Variants in MTCL1 observed in about 807,000 individuals in gnomAD.
The protein encoded by MTCL1 is microtubule cross-linking factor 1.
A neutral mutation model predicts 141.4 loss-of-function variants in MTCL1; 79 were observed. The ratio of observed to expected loss-of-function variants is 0.56; its 90% CI spans 0.47 to 0.67. The LOEUF is 0.67. Among genes scored for constraint, MTCL1 ranks in the 30% least tolerant of loss-of-function variants. The pLI, the probability that MTCL1 is intolerant of heterozygous loss-of-function variation, is 0.00. For synonymous variants in MTCL1, 914 were observed against 875.8 expected, an observed-to-expected ratio of 1.04 and a Z score of -0.77; for missense variants, 2,177 against 2,113.9, an observed-to-expected ratio of 1.03 and a Z score of -0.59.
intron 4 of MTCL1, among the ~76,000 whole-genome samples, chr18:8,751,094 GCATGACTCATGCACA>G (rs2096368659): frequency 6.6e-6 from 1 of 152,180 alleles, no homozygotes. Flanking sequence ...CTGCATGTGT[GCATGACTCATGCACA>G]CATCTTTTCC....
At chr18:8,784,251 C>G in exon 6 of MTCL1, 3 of 1,606,682 alleles carry the variant, frequency 1.9e-6, no homozygotes, top group Non-Finnish European at 1.7e-6. Context: ...CTGCGTGCCC[C>G]CAGTCCCCGG....
exon 6 of MTCL1, chr18:8,784,756 G>A (rs377432291): frequency 1.2e-6 from 2 of 1,614,220 alleles, no homozygotes; most frequent in African/African-American, 1.3e-5. Context: ...ACCTCACAGA[G>A]TCCTCTAGCT....
chr18:8,783,054 C>T (rs970568984), intron 5 of MTCL1, among the ~76,000 whole-genome samples: 8 of 152,140 alleles, frequency 5.3e-5, no homozygotes, highest in South Asian at 2.1e-4. Context: ...GAGGTCTGCA[C>T]GTTGGAGGTG....
At chr18:8,789,182 A>T (rs2075630820) in intron 7 of MTCL1, among the ~76,000 whole-genome samples, 2 of 152,232 alleles carry the variant, frequency 1.3e-5, no homozygotes, top group South Asian at 2.1e-4. Context: ...TCAAGGAAGC[A>T]CACAAAGCAC....
chr18:8,825,677 G>T (rs1465945642), exon 15 of MTCL1: 12 of 1,613,798 alleles, frequency 7.4e-6, no homozygotes, highest in Non-Finnish European at 1.0e-5. Flanking sequence ...GCTCCCCCAA[G>T]TATGGTTCTC....
intron 4 of MTCL1, among the ~76,000 whole-genome samples, chr18:8,735,985 A>G (rs971808338): frequency 6.6e-6 from 1 of 152,198 alleles, no homozygotes; most frequent in Non-Finnish European, 1.5e-5. Context: ...TGTGAAATGT[A>G]TAAATTTGCC....
intron 4 of MTCL1, among the ~76,000 whole-genome samples, chr18:8,734,227 G>A (rs950000168): frequency 6.6e-6 from 1 of 151,808 alleles, no homozygotes; most frequent in Non-Finnish European, 1.5e-5. Context: ...CCAATTTGTG[G>A]CAATCAAGAA....
At chr18:8,725,448 A>G (rs2096202144) in intron 4 of MTCL1, among the ~76,000 whole-genome samples, 2 of 152,220 alleles carry the variant, frequency 1.3e-5, no homozygotes, top group Non-Finnish European at 2.9e-5. Flanking sequence ...ATTGTAACCC[A>G]CAGCAAAAAG....
chr18:8,756,728 G>T (rs1164931990), intron 4 of MTCL1, among the ~76,000 whole-genome samples: 1 of 152,134 alleles, frequency 6.6e-6, no homozygotes, highest in Non-Finnish European at 1.5e-5. Flanking sequence ...CCAGAATCCA[G>T]CCATTGTCAG....
At chr18:8,765,922 A>G (rs1567996772) in intron 4 of MTCL1, among the ~76,000 whole-genome samples, 1 of 152,124 alleles carries the variant, frequency 6.6e-6, no homozygotes, top group African/African-American at 2.4e-5. Flanking sequence ...CTCAGAAACC[A>G]TTAGAGTCCA....
intron 1 of MTCL1, among the ~76,000 whole-genome samples, chr18:8,708,615 G>A (rs570489169): frequency 2.0e-5 from 3 of 152,320 alleles, no homozygotes; most frequent in East Asian, 1.9e-4. Flanking sequence ...TATTTCCAGC[G>A]AGGCTGCTTT....
chr18:8,807,093 CTG>C, intron 11 of MTCL1, 33 bp downstream of exon 10: 1 of 1,591,256 alleles, frequency 6.3e-7, no homozygotes, highest in South Asian at 1.1e-5. Flanking sequence ...TCGATCCTGA[CTG>C]TGTGTCTCTG....
intron 4 of MTCL1, among the ~76,000 whole-genome samples, chr18:8,736,341 A>C (rs1003325938): frequency 2.6e-5 from 4 of 152,138 alleles, no homozygotes; most frequent in Admixed American, 6.5e-5. Flanking sequence ...GTAAGTTGAA[A>C]CTATATTAAG....
chr18:8,784,453 C>G, exon 6 of MTCL1: 1 of 1,538,720 alleles, frequency 6.5e-7, no homozygotes, highest in Non-Finnish European at 8.8e-7. Flanking sequence ...TCCTGAAGGC[C>G]CGGGAGGACT....
At chr18:8,785,095 C>CATA (rs1568031578) in intron 6 of MTCL1, among the ~76,000 whole-genome samples, 1 of 151,670 alleles carries the variant, frequency 6.6e-6, no homozygotes, top group Non-Finnish European at 1.5e-5. Flanking sequence ...TTAACTGCGC[C>CATA]GCGGCTCATG....
chr18:8,778,035 C>G lies in MTCL1; in HGVS notation c.417+143C>G, dbSNP rs1403466702. The G allele has an allele frequency of 6.2e-6, 4 of 640,872 alleles. No homozygotes were observed. The East Asian group carries it at 1.2e-4, about 19-fold the overall frequency. The allele number at this position is 640,872 out of a possible 1,614,324, so 39.7% of individuals were successfully genotyped here. A position where few individuals can be genotyped will look rare whatever the true frequency, so the allele number is the denominator to read the frequency against. ...CCAAACACGTGGACTCATTCCTAAC[C>G]TCCACAGTGTGAACATTTTCTTTGC... On this transcript the variant is annotated intron_variant, in intron 5 of 16. Coordinates refer to ENST00000359865, the Ensembl canonical transcript of MTCL1.
intron 12 of MTCL1, among the ~76,000 whole-genome samples, chr18:8,814,973 CAG>C (rs897497082): frequency 6.2e-4 from 94 of 152,302 alleles, no homozygotes; most frequent in African/African-American, 2.2e-3. Flanking sequence ...CAGGAAACAA[CAG>C]GTGCTGGAGA....
exon 1 of MTCL1, chr18:8,706,443 G>A: frequency 1.6e-6 from 2 of 1,229,506 alleles, no homozygotes; most frequent in Non-Finnish European, 2.0e-6. Flanking sequence ...GAGCGCCGCC[G>A]GGCAGCCCCG....
In MTCL1 at chr18:8,809,622, C is replaced by G. The variant is rs1220594794; in HGVS notation, c.2604+2562C>G. On this transcript the variant is annotated intron_variant, in intron 11 of 16. Transcript: ENST00000359865. ...TGGAGAAGGAGTGGAGGGCACACAC[C>G]TGAAAAAAACGGAGCAAGTAGAGAG... The G allele has an allele frequency of 4.6e-6, 7 of 1,526,776 alleles. No individual in the cohort carries two copies. The African/African-American group carries it at 9.6e-5, about 21-fold the overall frequency. 94.6% of individuals were successfully genotyped at this position (1,526,776 alleles called of 1,614,324 possible). A position where few individuals can be genotyped will look rare whatever the true frequency, so the allele number is the denominator to read the frequency against.
Sources: gnomAD v4.1 joint callset for allele counts (sites outside exome capture counted in the v4.1 genomes callset) on GRCh38, gnomAD v4.1.1 for gene constraint, MANE v1.5 for transcripts, NCBI Gene and HGNC (gene_info 2026-07-23, HGNC 2026-07-21) for gene names.